THSD7B: variants seen among roughly 807,000 people sequenced by gnomAD.
THSD7B encodes thrombospondin type 1 domain containing 7B, also known as thrombospondin type-1 domain-containing protein 7B.
THSD7B carries 138 observed loss-of-function variants against 213.6 expected under a neutral mutation model. The ratio of observed to expected loss-of-function variants is 0.65; its 90% CI spans 0.56 to 0.74. THSD7B has a LOEUF of 0.74. Ranked by LOEUF, THSD7B falls within the 30% of genes least tolerant of loss-of-function variation. THSD7B has a pLI of 0.00. For synonymous variants in THSD7B, 742 were observed against 687.0 expected, an observed-to-expected ratio of 1.08 and a Z score of -1.25; for missense variants, 1,931 against 1,991.5, an observed-to-expected ratio of 0.97 and a Z score of 0.58.
intron 2 of THSD7B, among the ~76,000 whole-genome samples, chr2:136,896,762 A>G (rs1049094231): frequency 2.6e-4 from 39 of 152,072 alleles, no homozygotes; most frequent in African/African-American, 9.2e-4. Flanking sequence ...ACATGTGGCT[A>G]TTCAATTGTG....
At chr2:137,012,555 T>A (rs1158051147) in intron 2 of THSD7B, among the ~76,000 whole-genome samples, 1 of 152,232 alleles carries the variant, frequency 6.6e-6, no homozygotes, top group Admixed American at 6.5e-5. Flanking sequence ...TCAATTCTTT[T>A]TTTTGTCCAA....
chr2:136,774,599 T>C (rs1681567486), intron 1 of THSD7B, among the ~76,000 whole-genome samples: 1 of 152,112 alleles, frequency 6.6e-6, no homozygotes, highest in South Asian at 2.1e-4. Context: ...TCCAAGTCTC[T>C]TTTGGTGGGG....
intron 17 of THSD7B, among the ~76,000 whole-genome samples, chr2:137,612,932 C>A (rs944334393): frequency 5.9e-5 from 9 of 151,994 alleles, no homozygotes; most frequent in Admixed American, 2.0e-4. Flanking sequence ...TAACAGTCAC[C>A]CAGGTGGCAG....
At chr2:137,591,677 C>T (rs76858645) in intron 17 of THSD7B, among the ~76,000 whole-genome samples, 5,229 of 151,964 alleles carry the variant, frequency 0.034, 258 homozygotes, top group African/African-American at 0.11. Flanking sequence ...AGAACGACAG[C>T]AGTCTATTAG....
At chr2:136,805,201 G>A (rs1006529957) in intron 1 of THSD7B, among the ~76,000 whole-genome samples, 2 of 151,886 alleles carry the variant, frequency 1.3e-5, no homozygotes, top group Non-Finnish European at 2.9e-5. Context: ...GACTGGGTTT[G>A]GTCAGGAATT....
intron 14 of THSD7B, among the ~76,000 whole-genome samples, chr2:137,413,559 A>T (rs1686721005): frequency 6.6e-6 from 1 of 152,232 alleles, no homozygotes; most frequent in African/African-American, 2.4e-5. Context: ...AAGGAGGCAG[A>T]TGTACAAAGC....
intron 15 of THSD7B, among the ~76,000 whole-genome samples, chr2:137,522,691 G>A (rs535715028): frequency 2.8e-4 from 42 of 152,172 alleles, no homozygotes; most frequent in East Asian, 7.7e-4. Flanking sequence ...AGCTCCATTC[G>A]AGCAAAGTTT....
At position 137,293,191 on chromosome 2, in the gene THSD7B, T is replaced by C. The variant is rs1030195146; in HGVS notation, c.2500+17165T>C. Among the ~76,000 whole-genome samples the C allele has an allele frequency of 5.9e-5, 9 of 151,834 alleles. No homozygotes were observed. In the East Asian group the frequency reaches 1.7e-3, roughly 29 times the overall value. On this transcript the variant is annotated intron_variant, in intron 12 of 27. Transcript: ENST00000409968. Reference sequence around the variant, plus strand: ...ATGGTCTGTATCATCCAGGCTGGAGTGCAGAGGCACAATCATGGCTCACTG... The same window carrying C: ...ATGGTCTGTATCATCCAGGCTGGAGCGCAGAGGCACAATCATGGCTCACTG...
intron 1 of THSD7B, among the ~76,000 whole-genome samples, chr2:136,813,304 C>T (rs1038680257): frequency 6.6e-6 from 1 of 152,150 alleles, no homozygotes; most frequent in Admixed American, 6.5e-5. Flanking sequence ...GACCTCAGCT[C>T]TGCTGTGACT....
intron 1 of THSD7B, among the ~76,000 whole-genome samples, chr2:136,829,179 T>TAAAAA (rs34727528): frequency 2.0e-5 from 3 of 148,476 alleles, no homozygotes; most frequent in Non-Finnish European, 4.5e-5. Context: ...ATCTAATTCT[T>TAAAAA]AAAAAAAAAA....
intron 12 of THSD7B, among the ~76,000 whole-genome samples, chr2:137,365,800 A>G (rs1685393781): frequency 6.6e-6 from 1 of 152,226 alleles, no homozygotes; most frequent in Admixed American, 6.5e-5. Context: ...GTGGGACTGT[A>G]AACTAGTTCA....
At chr2:137,145,306 G>A (rs999193682) in intron 5 of THSD7B, among the ~76,000 whole-genome samples, 1 of 152,064 alleles carries the variant, frequency 6.6e-6, no homozygotes, top group African/African-American at 2.4e-5. Flanking sequence ...TGCAAGATGT[G>A]TCTTGTCTTT....
At chr2:137,581,237 A>G (rs576259446) in intron 17 of THSD7B, among the ~76,000 whole-genome samples, 1 of 152,334 alleles carries the variant, frequency 6.6e-6, no homozygotes, top group African/African-American at 2.4e-5. Flanking sequence ...ATTTATAAGT[A>G]TGATAAAGCA....
At chr2:136,781,019 A>G (rs1490243093) in intron 1 of THSD7B, among the ~76,000 whole-genome samples, 2 of 152,204 alleles carry the variant, frequency 1.3e-5, no homozygotes, top group Admixed American at 6.5e-5. Context: ...GCTTCATGCA[A>G]TGTGTGAAAG....
At chr2:136,872,700 G>C (rs902059825) in intron 1 of THSD7B, among the ~76,000 whole-genome samples, 3 of 144,342 alleles carry the variant, frequency 2.1e-5, no homozygotes, top group Non-Finnish European at 3.0e-5. Context: ...ACACTTTAAA[G>C]AATAGTAGTT....
intron 17 of THSD7B, among the ~76,000 whole-genome samples, chr2:137,595,947 A>T (rs577567102): frequency 2.6e-5 from 4 of 152,064 alleles, no homozygotes; most frequent in African/African-American, 9.6e-5. Flanking sequence ...TATATTACAT[A>T]GTTCTAATCT....
intron 2 of THSD7B, among the ~76,000 whole-genome samples, chr2:137,005,585 G>A (rs1469058984): frequency 6.6e-6 from 1 of 152,216 alleles, no homozygotes; most frequent in African/African-American, 2.4e-5. Flanking sequence ...TGGCTACTCT[G>A]TCATAATTAC....
At chr2:137,617,556 G>A (rs886878763) in intron 18 of THSD7B, among the ~76,000 whole-genome samples, 28 of 152,020 alleles carry the variant, frequency 1.8e-4, no homozygotes, top group African/African-American at 5.5e-4. Context: ...TTTCTTTCCC[G>A]GAGCATCTCT....
intron 9 of THSD7B, among the ~76,000 whole-genome samples, chr2:137,233,345 T>G (rs1681686900): frequency 6.6e-6 from 1 of 152,236 alleles, no homozygotes; most frequent in East Asian, 1.9e-4. Flanking sequence ...ATAACATGTA[T>G]TAATATATCA....
Sources: gnomAD v4.1 joint callset for allele counts (sites outside exome capture counted in the v4.1 genomes callset) on GRCh38, gnomAD v4.1.1 for gene constraint, MANE v1.5 for transcripts, NCBI Gene and HGNC (gene_info 2026-07-23, HGNC 2026-07-21) for gene names.